Variants in STX10 observed in about 807,000 individuals in gnomAD.
STX10 encodes syntaxin-10.
Under a neutral mutation model 34.1 loss-of-function variants are expected in STX10, and 35 were observed. The ratio of observed to expected loss-of-function variants is 1.03; its 90% confidence interval spans 0.78 to 1.36. The LOEUF is 1.36. STX10 is among the 40% of genes most tolerant of loss of function. STX10 has a pLI of 0.00. For missense variants in STX10, 361 were observed against 335.5 expected, an observed-to-expected ratio of 1.08 and a Z score of -0.59; for synonymous variants, 155 against 132.9, an observed-to-expected ratio of 1.17 and a Z score of -1.15.
In STX10 at chr19:13,149,894, C is replaced by T. The variant is rs759230143; in HGVS notation, c.39G>A (p.Glu13=). 1 of 1,588,378 alleles carries T rather than the reference C, an allele frequency of 6.3e-7. No individual in the cohort carries two copies. The highest frequency in any genetic ancestry group is 1.1e-5 in the South Asian group (1 of 89,022). Residue 13 remains glutamate, a synonymous_variant, in exon 2 of 8, where the codon GAG becomes GAA. Transcript: ENST00000587230. ...GGGCCGTGTTCACCGCCTTCTGCAC[C>T]TCGCTGCGGGCAGGGGCACGGCGGG... ...LEDPFFVVRG[E]VQKAVNTARG... is the part of the protein sequence containing the mutation.
intron 3 of STX10, among the ~76,000 whole-genome samples, 177 bp downstream of exon 3, chr19:13,149,322 G>A (rs997933086): frequency 2.0e-5 from 3 of 147,644 alleles, no homozygotes; most frequent in Non-Finnish European, 4.4e-5. Flanking sequence ...TGAGACACAA[G>A]AATCGCTTGA....
intron 5 of STX10, 58 bp downstream of exon 5, chr19:13,145,230 C>T: frequency 6.6e-6 from 10 of 1,512,478 alleles, no homozygotes; most frequent in Non-Finnish European, 9.1e-6. Flanking sequence ...GGACCCCAGA[C>T]CTCAGATCAG....
intron 3 of STX10, 145 bp downstream of exon 3, chr19:13,149,354 G>C: frequency 1.3e-6 from 1 of 748,862 alleles, no homozygotes; most frequent in Non-Finnish European, 2.1e-6. Flanking sequence ...GGAGGTTGCA[G>C]TGAGCCGAGA....
rs1248859554 is a variant in STX10 at position 13,144,339 on chromosome 19, G to A, written c.*71C>T. 2.6e-6 allele frequency: 4 copies of A among 1,560,478 alleles called. No individual in the cohort carries two copies. The East Asian group carries it at 6.9e-5, about 27-fold the overall frequency. On this transcript the variant is annotated 3_prime_UTR_variant, in exon 8 of 8. Coordinates refer to ENST00000587230, the MANE Select transcript of STX10 (RefSeq NM_003765.3). ...CAGGAGGGACCCTCTCCTCCTAGGG[G>A]GCGAGGCCAGCTCCAAAGTGCTTGG...
chr19:13,149,113 G>A (rs1297020566), intron 3 of STX10, 22 bp from the exon 4 acceptor site: 2 of 1,579,216 alleles, frequency 1.3e-6, no homozygotes, highest in South Asian at 2.3e-5. Context: ...GACAGCATTA[G>A]GGAGGAAAGA....
chr19:13,150,071 C>T lies in STX10; in HGVS notation c.35+68G>A. The T allele has an allele frequency of 1.7e-6, 2 of 1,146,698 alleles. No individual in the cohort carries two copies. The highest frequency in any genetic ancestry group is 2.6e-6 in the Non-Finnish European group (2 of 776,458). The allele number at this position is 1,146,698 out of a possible 1,614,324, so 71.0% of individuals were successfully genotyped here. A position where few individuals can be genotyped will look rare whatever the true frequency, so the allele number is the denominator to read the frequency against. Reference sequence around the variant, plus strand: ...GCCCAGCCCGCCGGGCACGCTGGGGCCGGCACCCGGGCACTGGCTGGCTTG... The same window carrying T: ...GCCCAGCCCGCCGGGCACGCTGGGGTCGGCACCCGGGCACTGGCTGGCTTG... On this transcript the variant is annotated intron_variant, in intron 1 of 7. Coordinates refer to ENST00000587230, the MANE Select transcript of STX10 (RefSeq NM_003765.3). The surrounding 1 kb of genome is among the most constrained non-coding windows in gnomAD (Gnocchi z 4.0).
At chr19:13,146,025 CAAAAAAAAA>C (rs71168666) in intron 4 of STX10, among the ~76,000 whole-genome samples, 4 of 75,992 alleles carry the variant, frequency 5.3e-5, no homozygotes, top group African/African-American at 1.9e-4. Context: ...GACCTTCTCT[CAAAAAAAAA>C]AAAAAAAAAA....
intron 4 of STX10, 98 bp downstream of exon 4, chr19:13,148,931 G>A (rs4926231): frequency 0.023 from 22,659 of 964,440 alleles, 561 homozygotes; most frequent in Admixed American, 0.098. Flanking sequence ...CAGAGAGGAC[G>A]GGCACTGTCG....
At chr19:13,149,450 A>C (rs1174147169) in intron 3 of STX10, 49 bp downstream of exon 3, 36 of 1,461,066 alleles carry the variant, frequency 2.5e-5, no homozygotes, top group African/African-American at 5.8e-5. Context: ...AAGAAAAAAA[A>C]ACACACTCAA....
chr19:13,144,980 C>G (rs1476582949), intron 5 of STX10, 110 bp from the exon 6 acceptor site: 1 of 998,210 alleles, frequency 1.0e-6, no homozygotes, highest in African/African-American at 1.6e-5. Flanking sequence ...AGGCGGATCA[C>G]TTGAGGCCAG....
Position 13,145,235 on chromosome 19 carries a change from G to C in STX10, c.471+53C>G, listed in dbSNP as rs2019870289. The C allele has an allele frequency of 2.0e-6, 3 of 1,523,202 alleles. 1 individual carries two copies. The South Asian group carries it at 3.4e-5, about 17-fold the overall frequency. 94.4% of individuals were successfully genotyped at this position (1,523,202 alleles called of 1,614,324 possible). A position where few individuals can be genotyped will look rare whatever the true frequency, so the allele number is the denominator to read the frequency against. On this transcript the variant is annotated intron_variant, in intron 5 of 7. Coordinates refer to ENST00000587230, the MANE Select transcript of STX10 (RefSeq NM_003765.3). ...CAACAAAAAGGGACCCCAGACCTCA[G>C]ATCAGTCTGCAAGGCTCTCCCCTCC...
chr19:13,149,930 G>T (rs1307054663), intron 1 of STX10, 33 bp from the exon 2 acceptor site: 6 of 1,533,132 alleles, frequency 3.9e-6, no homozygotes. Context: ...CGCGGCTGGG[G>T]GCAGGCGGTC....
intron 4 of STX10, 102 bp downstream of exon 4, chr19:13,148,927 G>T: frequency 2.2e-6 from 2 of 917,504 alleles, no homozygotes; most frequent in Non-Finnish European, 1.7e-6. Flanking sequence ...CCCACAGAGA[G>T]GACGGGCACT....
At chr19:13,146,072 C>T (rs1719472493) in intron 4 of STX10, among the ~76,000 whole-genome samples, 1 of 150,430 alleles carries the variant, frequency 6.6e-6, no homozygotes, top group Middle Eastern at 3.4e-3. Flanking sequence ...CAGTGCATGC[C>T]TGTAATCCCA....
In STX10 at chr19:13,144,865, G is replaced by A; in HGVS notation, c.477C>T (p.Ile159=). 6.2e-7 allele frequency: 1 copy of A among 1,613,102 alleles called. No homozygotes were observed. Among genetic ancestry groups the A allele is most frequent in the Non-Finnish European group, 8.5e-7 (1 of 1,179,732 alleles). The change falls in exon 6 of 8, where the codon ATC becomes ATT. Residue 159 remains isoleucine, a synonymous_variant. Coordinates refer to ENST00000587230, the MANE Select transcript of STX10 (RefSeq NM_003765.3). ...IEEQQATQQL[I]MDEQDQQLEM... is the part of the protein sequence containing the mutation. ...CCAGCTGTTGATCCTGTTCATCCATGATCAGCTGCAGAGCGAAGGGGTGGG... is the reference window on the plus strand; with the variant it reads ...CCAGCTGTTGATCCTGTTCATCCATAATCAGCTGCAGAGCGAAGGGGTGGG...
intron 4 of STX10, 152 bp downstream of exon 4, chr19:13,148,877 C>T (rs2019974352): frequency 3.2e-6 from 2 of 623,830 alleles, no homozygotes; most frequent in Admixed American, 2.6e-5. Flanking sequence ...GGTGCACACA[C>T]CGAGAAAGTG....
chr19:13,150,252 G>C lies in STX10; in HGVS notation c.-79C>G. ...TGGTTCCCTCCCAACCGAGGAGAAC[G>C]CGCCGCCACCCCCGCCCCCGTCACG... On this transcript the variant is annotated 5_prime_UTR_variant, in exon 1 of 8. Transcript: ENST00000587230. The surrounding 1 kb of genome is among the most constrained non-coding windows in gnomAD (Gnocchi z 4.0). 1 of 671,286 alleles carries C rather than the reference G, an allele frequency of 1.5e-6. No individual in the cohort carries two copies. The highest frequency in any genetic ancestry group is 1.6e-5 in the South Asian group (1 of 62,706). The allele number at this position is 671,286 out of a possible 1,614,324, so 41.6% of individuals were successfully genotyped here.
At position 13,144,237 on chromosome 19, in the gene STX10, C is replaced by T. The variant is rs908813997; in HGVS notation, c.*173G>A. ...AGTGGTGGTGGTTCCAGCCCAGGGT[C>T]CTGAAGGGTCCCACTGGCTCTAGGG... On this transcript the variant is annotated 3_prime_UTR_variant, in exon 8 of 8. Coordinates refer to ENST00000587230, the MANE Select transcript of STX10 (RefSeq NM_003765.3). 4 of 859,022 alleles carry T rather than the reference C, an allele frequency of 4.7e-6. No individual in the cohort carries two copies. Among genetic ancestry groups the T allele is most frequent in the Non-Finnish European group, 7.0e-6 (4 of 568,176 alleles). The allele number at this position is 859,022 out of a possible 1,614,324, so 53.2% of individuals were successfully genotyped here. A position where few individuals can be genotyped will look rare whatever the true frequency, so the allele number is the denominator to read the frequency against.
In STX10 at chr19:13,145,379, G is replaced by C. The variant is rs750980145; in HGVS notation, c.380C>G (p.Pro127Arg). The C allele has an allele frequency of 6.8e-6, 11 of 1,611,100 alleles. No individual in the cohort carries two copies. The Admixed American group carries it at 1.8e-4, about 27-fold the overall frequency. ...RNNREILAGK[P>R]AAQKSPSDLL... The stretch of plus-strand genomic sequence containing the variant: ...GTCGCTGGGTGACTTCTGGGCAGCT[G>C]GCTTGCCTGCGAGTATCTGCAGGGG... Residue 127 changes from proline to arginine, a missense_variant, in exon 5 of 8, where the codon CCA (proline) becomes CGA (arginine). Transcript: ENST00000587230.
Sources: gnomAD v4.1 joint callset for allele counts (sites outside exome capture counted in the v4.1 genomes callset) on GRCh38, gnomAD v4.1.1 for gene constraint, Gnocchi (gnomAD v3.1) non-coding constraint, MANE v1.5 for transcripts, NCBI Gene and HGNC (gene_info 2026-07-23, HGNC 2026-07-21) for gene names.